ATP1A4: variants seen among roughly 807,000 people sequenced by gnomAD.
The protein encoded by ATP1A4 is ATPase Na+/K+ transporting subunit alpha 4.
A neutral mutation model predicts 114.3 loss-of-function variants in ATP1A4; 90 were observed. The observed-to-expected ratio is 0.79, with a 90% CI of 0.66 to 0.94. The LOEUF (loss-of-function observed/expected upper bound fraction) is 0.94. ATP1A4 is among the 40% of genes least tolerant of loss of function. The probability of loss-of-function intolerance (pLI) is 0.00; values close to 1 mark genes in which losing one functional copy is unlikely to be tolerated. For missense variants in ATP1A4, 1,222 were observed against 1,313.6 expected (o/e 0.93, Z 1.08); for synonymous variants, 511 against 494.1 (o/e 1.03, Z -0.45).
intron 2 of ATP1A4, among the ~76,000 whole-genome samples, chr1:160,153,926 C>G (rs2102008322): frequency 6.6e-6 from 1 of 152,262 alleles, no homozygotes; most frequent in Middle Eastern, 3.4e-3. Context: ...TCGGGTGTTT[C>G]AGGCAGAGGT....
chr1:160,152,321 G>T, intron 1 of ATP1A4, 134 bp downstream of exon 1: 1 of 1,039,488 alleles, frequency 9.6e-7, no homozygotes, highest in Non-Finnish European at 1.3e-6. Flanking sequence ...TGGAGGGAAG[G>T]AGAGGGTTAA....
chr1:160,154,312 G>A (rs1268257066), intron 2 of ATP1A4, among the ~76,000 whole-genome samples: 2 of 152,050 alleles, frequency 1.3e-5, no homozygotes, highest in East Asian at 1.9e-4. Context: ...GATGGAGGTT[G>A]CAGTAAGCCG....
rs925890109 is a variant in ATP1A4 at position 160,176,602 on chromosome 1, G to A, written c.2590G>A (p.Gly864Arg). 6.2e-7 allele frequency: 1 copy of A among 1,613,764 alleles called. No homozygotes were observed. Among genetic ancestry groups the A allele is most frequent in the Non-Finnish European group, 8.5e-7 (1 of 1,179,798 alleles). The change falls in exon 17 of 22, where the codon GGG becomes AGG. Residue 864 changes from glycine to arginine, a missense_variant and splice_region_variant. Gly to Arg is a moderately radical substitution (Grantham distance 125, BLOSUM62 -2). Coordinates refer to ENST00000368081, the MANE Select transcript of ATP1A4 (RefSeq NM_144699.4). ...RLIGMAYGQI[G>R]MIQALAGFFT... ...CATTGGCATGGCCTATGGACAGATT[G>A]GTGCGCCCAGAGGAATGAGGGGTGG... is the stretch of plus-strand genomic sequence containing the variant.
At chr1:160,172,175 C>T (rs75335661) in intron 12 of ATP1A4, among the ~76,000 whole-genome samples, 16,159 of 152,212 alleles carry the variant, frequency 0.11, 948 homozygotes, top group South Asian at 0.22. Flanking sequence ...TCAGAAGGTC[C>T]ATGGAAACCT....
intron 19 of ATP1A4, 37 bp downstream of exon 19, chr1:160,181,851 G>T: frequency 6.2e-7 from 1 of 1,613,560 alleles, no homozygotes; most frequent in South Asian, 1.1e-5. Flanking sequence ...ACTCTCCCAA[G>T]CCCCACACAC....
At chr1:160,155,308 T>G in intron 3 of ATP1A4, 60 bp downstream of exon 3, 1 of 1,455,166 alleles carries the variant, frequency 6.9e-7, no homozygotes, top group Non-Finnish European at 9.5e-7. Flanking sequence ...GACACTCTTT[T>G]GCTCAGCAGC....
intron 10 of ATP1A4, among the ~76,000 whole-genome samples, chr1:160,169,028 A>T (rs193159816): frequency 1.0e-5 from 1 of 98,074 alleles, no homozygotes; most frequent in Non-Finnish European, 2.1e-5. Flanking sequence ...CTCTCAGATG[A>T]CTATGTTGCT....
intron 12 of ATP1A4, 105 bp downstream of exon 12, chr1:160,171,862 C>CATCTACTA: frequency 1.7e-6 from 2 of 1,159,158 alleles, no homozygotes; most frequent in Non-Finnish European, 2.4e-6. Flanking sequence ...TTTAATTGAG[C>CATCTACTA]GGATTTCTGT....
In ATP1A4 at chr1:160,173,599, G is replaced by A; in HGVS notation, c.1873G>A (p.Asp625Asn). ...AGIKVIMVTG[D>N]HPITAKAIAK... ...AACCCAGGTGATCATGGTAACAGGA[G>A]ATCATCCCATTACAGCTAAGGCCAT... The change falls in exon 13 of 22, where the codon GAT (aspartate) becomes AAT (asparagine). Residue 625 changes from aspartate to asparagine, a missense_variant. Transcript: ENST00000368081. 1 of 1,614,122 alleles carries A rather than the reference G, an allele frequency of 6.2e-7. No homozygotes were observed. The highest frequency in any genetic ancestry group is 1.1e-5 in the South Asian group (1 of 91,078).
rs1175385654 is a variant in ATP1A4 at position 160,186,938 on chromosome 1, C to G, written c.*239C>G. 1.7e-6 allele frequency: 1 copy of G among 573,766 alleles called. No homozygotes were observed. Among genetic ancestry groups the G allele is most frequent in the East Asian group, 3.0e-5 (1 of 33,610 alleles). The allele number at this position is 573,766 out of a possible 1,614,324, so 35.5% of individuals were successfully genotyped here. On this transcript the variant is annotated 3_prime_UTR_variant, in exon 22 of 22. Coordinates refer to ENST00000368081, the MANE Select transcript of ATP1A4 (RefSeq NM_144699.4). ...GGAGGGGCATGGTCCTGCTGAATCC[C>G]GTAGCCAGTCTAGACAGTAAATGTC...
At chr1:160,170,579 C>CTTCT (rs1653210811) in intron 10 of ATP1A4, 1 of 112,678 alleles carries the variant, frequency 8.9e-6, no homozygotes, top group African/African-American at 3.3e-5. Flanking sequence ...GGTCTTTGGA[C>CTTCT]TTTTTTTTTT....
chr1:160,167,073 C>A lies in ATP1A4; in HGVS notation c.1352C>A (p.Ala451Asp), dbSNP rs1312323912. 6.2e-7 allele frequency: 1 copy of A among 1,613,932 alleles called. No homozygotes were observed. Among genetic ancestry groups the A allele is most frequent in the Non-Finnish European group, 8.5e-7 (1 of 1,179,828 alleles). The change falls in exon 9 of 22, where the codon GCT becomes GAT. Residue 451 changes from alanine to aspartate, a missense_variant. Transcript: ENST00000368081. ...GCTAATCAGGAGATCCTGCCCATTG[C>A]TAAGGTGTCAGGCCCAAGGGGAAGA... is the stretch of plus-strand genomic sequence containing the variant. ...FKANQEILPI[A>D]KRATTGDASE...
Position 160,181,922 on chromosome 1 carries a change from C to T in ATP1A4, c.2868-8C>T. Reference sequence around the variant, plus strand: ...CTCCCCGCCACACCCATGAATGTTTCTTCCCAGAAACAAAGTCTTAATATT... The same window carrying T: ...CTCCCCGCCACACCCATGAATGTTTTTTCCCAGAAACAAAGTCTTAATATT... On this transcript the variant is annotated splice_region_variant and splice_polypyrimidine_tract_variant and intron_variant, in intron 19 of 21. Transcript: ENST00000368081. The T allele has an allele frequency of 1.2e-6, 2 of 1,614,038 alleles. No individual in the cohort carries two copies. The highest frequency in any genetic ancestry group is 1.3e-5 in the African/African-American group (1 of 75,034).
intron 18 of ATP1A4, among the ~76,000 whole-genome samples, chr1:160,179,435 C>G (rs1292354426): frequency 6.6e-6 from 1 of 152,126 alleles, no homozygotes; most frequent in Non-Finnish European, 1.5e-5. Context: ...GTTAAGAATT[C>G]CCCCCTGCAC....
At position 160,159,205 on chromosome 1, in the gene ATP1A4, G is replaced by C. The variant is rs74123264; in HGVS notation, c.660+69G>C. 3.9e-6 allele frequency: 6 copies of C among 1,542,894 alleles called. No individual in the cohort carries two copies. The East Asian group carries it at 1.4e-4, about 35-fold the overall frequency. On this transcript the variant is annotated intron_variant, in intron 5 of 21. Transcript: ENST00000368081. ...TCATGGCAGGGTAGACACCTGGGCC[G>C]TTAGAGAAAGTATAAGCTTATTACT...
In ATP1A4 at chr1:160,151,990, C is replaced by T; in HGVS notation, c.-51C>T. 1 of 1,579,472 alleles carries T rather than the reference C, an allele frequency of 6.3e-7. No homozygotes were observed. The highest frequency in any genetic ancestry group is 8.6e-7 in the Non-Finnish European group (1 of 1,164,024). On this transcript the variant is annotated 5_prime_UTR_variant, in exon 1 of 22. Coordinates refer to ENST00000368081, the MANE Select transcript of ATP1A4 (RefSeq NM_144699.4). ...TCTTCCCTTCCCCTTGCCTCACTCTCTCAGCTTTCTTCCCACAGTTGAGCT... is the reference window on the plus strand; with the variant it reads ...TCTTCCCTTCCCCTTGCCTCACTCTTTCAGCTTTCTTCCCACAGTTGAGCT...
chr1:160,151,948 C>T lies in ATP1A4; in HGVS notation c.-93C>T, dbSNP rs1028575137. The T allele has an allele frequency of 6.9e-7, 1 of 1,453,212 alleles. No individual in the cohort carries two copies. Among genetic ancestry groups the T allele is most frequent in the Non-Finnish European group, 9.2e-7 (1 of 1,084,598 alleles). 90.0% of individuals were successfully genotyped at this position (1,453,212 alleles called of 1,614,324 possible). On this transcript the variant is annotated 5_prime_UTR_variant, in exon 1 of 22. Transcript: ENST00000368081. Reference sequence around the variant, plus strand: ...TCCCCACCACTCTCTTCTCGTGGCCCCCTTGCCCGCGCGCCCTCTTCCCTT... The same window carrying T: ...TCCCCACCACTCTCTTCTCGTGGCCTCCTTGCCCGCGCGCCCTCTTCCCTT...
At chr1:160,171,214 C>T in intron 10 of ATP1A4, 37 bp from the exon 11 acceptor site, 9 of 1,578,184 alleles carry the variant, frequency 5.7e-6, no homozygotes, top group Non-Finnish European at 5.2e-6. Context: ...CTTGGTCTCT[C>T]CTCCTGTCCC....
chr1:160,170,965 G>T (rs1344469677), intron 10 of ATP1A4: 3 of 304,940 alleles, frequency 9.8e-6, no homozygotes, highest in Non-Finnish European at 1.8e-5. Context: ...CCATCCAGTT[G>T]GCAAGGATGC....
Sources: gnomAD v4.1 joint callset for allele counts (sites outside exome capture counted in the v4.1 genomes callset) on GRCh38, gnomAD v4.1.1 for gene constraint, MANE v1.5 for transcripts, NCBI Gene and HGNC (gene_info 2026-07-23, HGNC 2026-07-21) for gene names.